SERPINB7: variants seen among roughly 807,000 people sequenced by gnomAD.
SERPINB7 encodes the protein serpin B7.
A neutral mutation model predicts 37.4 loss-of-function variants in SERPINB7; 31 were observed. That is an observed-to-expected ratio of 0.83 (90% CI 0.62 to 1.12). The LOEUF (loss-of-function observed/expected upper bound fraction) is 1.12. Ranked by LOEUF, SERPINB7 falls within the 50% of genes most tolerant of loss-of-function variation. SERPINB7 has a pLI of 0.00. For missense variants in SERPINB7, 521 were observed against 455.3 expected (o/e 1.14, Z -1.31); for synonymous variants, 163 against 166.1 (o/e 0.98, Z 0.14).
intron 1 of SERPINB7, among the ~76,000 whole-genome samples, chr18:63,776,431 G>A (rs2049249012): frequency 1.3e-5 from 2 of 151,820 alleles, no homozygotes; most frequent in African/African-American, 2.4e-5. Context: ...GCATCTTACT[G>A]TGTGTATTCT....
At position 63,796,353 on chromosome 18, in the gene SERPINB7, A is replaced by G. The variant is rs199973543; in HGVS notation, c.424A>G (p.Ile142Val). 6 of 1,604,302 alleles carry G rather than the reference A, an allele frequency of 3.7e-6. No individual in the cohort carries two copies. In the East Asian group the frequency reaches 6.7e-5, roughly 18 times the overall value. The change falls in exon 5 of 8, where the codon ATT (isoleucine) becomes GTT (valine). Residue 142 changes from isoleucine (I) to valine (V), a missense_variant. Coordinates refer to ENST00000398019, the MANE Select transcript of SERPINB7 (RefSeq NM_003784.4). ...TCATTTAGAAGACACTAGACGTAAT[A>G]TTAATAAGTGGGTTGAAAATGAAAC... is the stretch of plus-strand genomic sequence containing the variant. The part of the protein sequence containing the change: ...TNHLEDTRRN[I>V]NKWVENETHG...
At chr18:63,756,648 T>G (rs1568197908) in intron 1 of SERPINB7, among the ~76,000 whole-genome samples, 1 of 152,094 alleles carries the variant, frequency 6.6e-6, no homozygotes, top group Non-Finnish European at 1.5e-5. Flanking sequence ...TGCTCGGCAT[T>G]ATTTGAGGAG....
intron 1 of SERPINB7, among the ~76,000 whole-genome samples, chr18:63,759,049 T>C (rs908522270): frequency 2.6e-5 from 4 of 152,230 alleles, no homozygotes; most frequent in East Asian, 3.9e-4. Context: ...TTCTACTTGA[T>C]CATATGCATG....
intron 1 of SERPINB7, among the ~76,000 whole-genome samples, chr18:63,757,010 T>C (rs2049126317): frequency 6.6e-6 from 1 of 152,222 alleles, no homozygotes; most frequent in Non-Finnish European, 1.5e-5. Context: ...TAGTAGTACA[T>C]GAATGTCTTC....
In SERPINB7 at chr18:63,804,554, G is replaced by A. The variant is rs1338476810; in HGVS notation, c.1062G>A (p.Leu354=). 2.5e-6 allele frequency: 4 copies of A among 1,613,686 alleles called. No homozygotes were observed. The highest frequency in any genetic ancestry group is 1.1e-5 in the South Asian group (1 of 91,064). The change falls in exon 8 of 8, where the codon CTG becomes CTA. Residue 354 remains leucine (L), a synonymous_variant. Transcript: ENST00000398019. ...IVEKQLPQST[L]FRADHPFLFV... is the part of the protein sequence containing the mutation. ...AAAAGCAACTCCCTCAGTCCACGCT[G>A]TTTAGAGCTGACCACCCATTCCTAT...
chr18:63,753,442 G>A (rs1184837528), intron 1 of SERPINB7, among the ~76,000 whole-genome samples: 2 of 151,966 alleles, frequency 1.3e-5, no homozygotes, highest in African/African-American at 2.4e-5. Context: ...AAAAAAAAGT[G>A]CCTACTGACG....
intron 2 of SERPINB7, 50 bp downstream of exon 2, chr18:63,782,590 C>A: frequency 6.6e-7 from 1 of 1,515,002 alleles, no homozygotes; most frequent in Non-Finnish European, 8.9e-7. Flanking sequence ...GTTTTTCCCA[C>A]GAGAACATTT....
rs11873045 is a variant in SERPINB7, at chr18:63,804,359, A to G, written c.867A>G (p.Gln289=). The G allele has an allele frequency of 8.5e-3, 13,649 of 1,613,724 alleles. 1,016 individuals carry two copies. The African/African-American group carries it at 0.16, about 19-fold the overall frequency. ...TAGAGAAGAATTATGAAATGAAACA[A>G]TATTTGAGAGCCCTAGGGCTGAAAG... is the stretch of plus-strand genomic sequence containing the variant. ...FKIEKNYEMK[Q]YLRALGLKDI... is the part of the protein sequence containing the mutation. Residue 289 remains glutamine, a synonymous_variant, in exon 8 of 8, where the codon CAA becomes CAG. Transcript: ENST00000398019.
chr18:63,787,191 C>T (rs1212365442), intron 2 of SERPINB7, among the ~76,000 whole-genome samples: 1 of 152,100 alleles, frequency 6.6e-6, no homozygotes, highest in Non-Finnish European at 1.5e-5. Context: ...TGTTGATGCT[C>T]AAAAATTTCA....
At chr18:63,756,107 AC>A (rs2049120750) in intron 1 of SERPINB7, among the ~76,000 whole-genome samples, 1 of 151,936 alleles carries the variant, frequency 6.6e-6, no homozygotes, top group Non-Finnish European at 1.5e-5. Flanking sequence ...ACACACACAC[AC>A]ACACACACAC....
intron 2 of SERPINB7, 115 bp from the exon 3 acceptor site, chr18:63,792,278 G>A (rs2049436967): frequency 2.9e-6 from 2 of 698,698 alleles, no homozygotes; most frequent in South Asian, 1.9e-5. Context: ...AATGAACTTG[G>A]AATGGCAATT....
chr18:63,762,672 G>C (rs983453709), intron 1 of SERPINB7, among the ~76,000 whole-genome samples: 7 of 152,152 alleles, frequency 4.6e-5, no homozygotes, highest in Non-Finnish European at 7.3e-5. Flanking sequence ...GAGTTAGAAG[G>C]CCTGATCTTT....
At chr18:63,755,826 T>C (rs1049123019) in intron 1 of SERPINB7, among the ~76,000 whole-genome samples, 2 of 152,122 alleles carry the variant, frequency 1.3e-5, no homozygotes, top group Non-Finnish European at 2.9e-5. Context: ...CCCAGAAGTT[T>C]GAGGCAGCAA....
Position 63,782,436 on chromosome 18 carries a change from A to G in SERPINB7, c.64A>G (p.Asn22Asp). The G allele has an allele frequency of 1.9e-6, 3 of 1,614,212 alleles. No individual in the cohort carries two copies. The highest frequency in any genetic ancestry group is 1.7e-6 in the Non-Finnish European group (2 of 1,180,026). ...CAACCTGTTCAGAGAGATGGATGAC[A>G]ATCAAGGAAATGGAAATGTGTTCTT... is the stretch of plus-strand genomic sequence containing the variant. Reference protein sequence around the residue: ...CFNLFREMDDNQGNGNVFFSS... With the variant: ...CFNLFREMDDDQGNGNVFFSS... Residue 22 changes from asparagine (N) to aspartate (D), a missense_variant, in exon 2 of 8, where the codon AAT becomes GAT. Coordinates refer to ENST00000398019, the MANE Select transcript of SERPINB7 (RefSeq NM_003784.4).
Position 63,804,660 on chromosome 18 carries a change from C to A in SERPINB7, c.*25C>A. ...AAAATCCAATTGGTTTCTGTTATAG[C>A]AGTCCCCACAACATCAAAGAACCAC... is the stretch of plus-strand genomic sequence containing the variant. On this transcript the variant is annotated 3_prime_UTR_variant, in exon 8 of 8. Coordinates refer to ENST00000398019, the MANE Select transcript of SERPINB7 (RefSeq NM_003784.4). 6.4e-7 allele frequency: 1 copy of A among 1,561,880 alleles called. No individual in the cohort carries two copies. Among genetic ancestry groups the A allele is most frequent in the Non-Finnish European group, 8.7e-7 (1 of 1,154,912 alleles).
At position 63,777,480 on chromosome 18, in the gene SERPINB7, C is replaced by T. The variant is rs994123085; in HGVS notation, c.-19+1764C>T. ...ACTACATTTCCACATGTAAGAAGTG[C>T]CAGTTGTGCCTTAATGTAAGGATAT... On this transcript the variant is annotated intron_variant, in intron 1 of 7. Coordinates refer to ENST00000398019, the MANE Select transcript of SERPINB7 (RefSeq NM_003784.4). Among the ~76,000 whole-genome samples the T allele has an allele frequency of 2.0e-5, 3 of 151,938 alleles. 1 individual carries two copies. In the South Asian group the frequency reaches 6.2e-4, roughly 32 times the overall value.
intron 2 of SERPINB7, among the ~76,000 whole-genome samples, chr18:63,783,194 G>A (rs868773508): frequency 1.9e-4 from 12 of 63,508 alleles, no homozygotes; most frequent in African/African-American, 7.9e-4. Flanking sequence ...GAAAGAGAGA[G>A]AGAGAGAGAG....
intron 3 of SERPINB7, 141 bp downstream of exon 3, chr18:63,792,584 A>G: frequency 3.5e-6 from 2 of 574,406 alleles, no homozygotes; most frequent in Non-Finnish European, 6.2e-6. Context: ...GCAACATGGC[A>G]AAACCCCATC....
chr18:63,773,904 CAAG>C (rs2049226316), upstream of SERPINB7, among the ~76,000 whole-genome samples: 4 of 152,046 alleles, frequency 2.6e-5, no homozygotes, highest in South Asian at 4.2e-4. Flanking sequence ...TTGGTAATTC[CAAG>C]AAGATTATCC....
Sources: gnomAD v4.1 joint callset for allele counts (sites outside exome capture counted in the v4.1 genomes callset) on GRCh38, gnomAD v4.1.1 for gene constraint, MANE v1.5 for transcripts, NCBI Gene and HGNC (gene_info 2026-07-23, HGNC 2026-07-21) for gene names.